The following ACOXL variants were observed in gnomAD, a reference collection of about 807,000 sequenced individuals.
The protein encoded by ACOXL is acyl-CoA oxidase like.
Under a neutral mutation model 71.9 loss-of-function variants are expected in ACOXL, and 70 were observed. The ratio of observed to expected loss-of-function variants is 0.97; its 90% CI spans 0.80 to 1.19. ACOXL has a LOEUF of 1.19. Among genes scored for constraint, ACOXL ranks in the 50% most tolerant of loss-of-function variants. The pLI, the probability that ACOXL is intolerant of heterozygous loss-of-function variation, is 0.00. For synonymous variants in ACOXL, 253 were observed against 281.6 expected, an observed-to-expected ratio of 0.90 and a Z score of 1.02; for missense variants, 703 against 736.3, an observed-to-expected ratio of 0.95 and a Z score of 0.52.
At chr2:110,745,105 G>T (rs10204844) in intron 1 of ACOXL, among the ~76,000 whole-genome samples, 2,934 of 152,300 alleles carry the variant, frequency 0.019, 108 homozygotes, top group African/African-American at 0.067. Context: ...ATAAGTAGTT[G>T]CTCCTGTTTC....
At chr2:111,104,643 GAA>G (rs2069410413) in intron 17 of ACOXL, among the ~76,000 whole-genome samples, 1 of 151,992 alleles carries the variant, frequency 6.6e-6, no homozygotes, top group African/African-American at 2.4e-5. Flanking sequence ...TCTCTTTGTT[GAA>G]AAGTTTGTTC....
At chr2:111,111,915 A>G (rs1432770802) in intron 17 of ACOXL, among the ~76,000 whole-genome samples, 1 of 152,222 alleles carries the variant, frequency 6.6e-6, no homozygotes, top group Non-Finnish European at 1.5e-5. Context: ...TTTCTCTACC[A>G]AAGTGGACAT....
At chr2:110,821,172 C>T (rs545033629) in intron 9 of ACOXL, among the ~76,000 whole-genome samples, 45 of 152,250 alleles carry the variant, frequency 3.0e-4, no homozygotes, top group Middle Eastern at 6.8e-3. Flanking sequence ...GAGGCCCTGC[C>T]CTTCCTCAGT....
chr2:110,943,037 A>AAAGAAGGAAGG (rs2060933686), intron 12 of ACOXL, among the ~76,000 whole-genome samples: 1 of 137,322 alleles, frequency 7.3e-6, no homozygotes, highest in South Asian at 2.5e-4. Context: ...AGAAGGAAGG[A>AAAGAAGGAAGG]AAGAAGGAAG....
intron 10 of ACOXL, among the ~76,000 whole-genome samples, chr2:110,854,782 C>G (rs916084931): frequency 6.6e-6 from 1 of 152,180 alleles, no homozygotes. Flanking sequence ...TTTCTATTTT[C>G]TCCCTTGAAA....
chr2:110,930,322 G>T (rs988883497), intron 11 of ACOXL, among the ~76,000 whole-genome samples: 2 of 152,194 alleles, frequency 1.3e-5, no homozygotes, highest in Admixed American at 1.3e-4. Context: ...GGGGCCTGTA[G>T]CCCCTTTGTT....
chr2:110,908,262 G>A (rs1574076729), intron 10 of ACOXL, among the ~76,000 whole-genome samples: 1 of 152,232 alleles, frequency 6.6e-6, no homozygotes, highest in East Asian at 1.9e-4. Flanking sequence ...AGGGCACAGG[G>A]ATTTAAGGTG....
chr2:111,115,398 A>G (rs966585939), intron 17 of ACOXL: 6 of 152,240 alleles, frequency 3.9e-5, no homozygotes, highest in African/African-American at 1.2e-4. Flanking sequence ...GAGATCATAT[A>G]TTTTTAAAAA....
chr2:110,833,639 C>T (rs988931790), intron 9 of ACOXL, among the ~76,000 whole-genome samples: 1 of 152,138 alleles, frequency 6.6e-6, no homozygotes, highest in Non-Finnish European at 1.5e-5. Flanking sequence ...GCATGCGAAT[C>T]TACAATTATC....
chr2:111,085,382 T>C (rs1282302806), intron 16 of ACOXL, among the ~76,000 whole-genome samples: 2 of 152,318 alleles, frequency 1.3e-5, no homozygotes, highest in East Asian at 3.9e-4. Context: ...AACCATGCTC[T>C]TGGACCACAG....
chr2:110,815,919 C>T (rs1437897027), intron 9 of ACOXL, among the ~76,000 whole-genome samples: 1 of 152,122 alleles, frequency 6.6e-6, no homozygotes, highest in African/African-American at 2.4e-5. Context: ...TTCTTGGTCA[C>T]CTCTGGATGA....
chr2:110,827,979 A>G (rs1245350692), intron 9 of ACOXL, among the ~76,000 whole-genome samples: 1 of 152,110 alleles, frequency 6.6e-6, no homozygotes, highest in Non-Finnish European at 1.5e-5. Context: ...TCCTATTATT[A>G]TTATTATTTG....
rs73956475 is a variant in ACOXL, at chr2:110,828,743, G to A, written c.754-12628G>A. ...CTCAAGATCACATGGTTATTCAGTG[G>A]TGGGCTGGGGGGTGGAATTAAGGAT... On this transcript the variant is annotated intron_variant, in intron 9 of 17. Coordinates refer to ENST00000439055, the MANE Select transcript of ACOXL (RefSeq NM_001142807.4). Among the ~76,000 whole-genome samples, 573 of 152,310 alleles carry A rather than the reference G, an allele frequency of 3.8e-3. 5 individuals are homozygous for A. Among genetic ancestry groups the A allele is most frequent in the African/African-American group, 0.013 (558 of 41,558 alleles).
At chr2:110,770,605 A>G (rs570050744) in intron 2 of ACOXL, among the ~76,000 whole-genome samples, 1 of 152,308 alleles carries the variant, frequency 6.6e-6, no homozygotes, top group East Asian at 1.9e-4. Context: ...TTTGGCAGAG[A>G]TTTTCAAGCT....
At chr2:111,008,948 A>G (rs1377384524) in intron 14 of ACOXL, among the ~76,000 whole-genome samples, 3 of 152,004 alleles carry the variant, frequency 2.0e-5, no homozygotes, top group African/African-American at 4.8e-5. Context: ...GGGTTTTGGT[A>G]TTTGGTCCAT....
rs142095474 is a variant in ACOXL at position 110,932,464 on chromosome 2, A to G, written c.906-1025A>G. Among the ~76,000 whole-genome samples the G allele has an allele frequency of 5.1e-3, 781 of 152,364 alleles. 1 individual carries two copies. Among genetic ancestry groups the G allele is most frequent in the Admixed American group, 5.7e-3 (87 of 15,310 alleles). ...TAAAGCAAAAATAGGCATGAGGTTT[A>G]TCACACATGCAGAAGATCTGTATCT... On this transcript the variant is annotated intron_variant, in intron 11 of 17. Transcript: ENST00000439055.
chr2:110,995,774 T>C lies in ACOXL; in HGVS notation c.1170-119T>C. 7 of 681,482 alleles carry C rather than the reference T, an allele frequency of 1.0e-5. No individual in the cohort carries two copies. In the South Asian group the frequency reaches 1.0e-4, roughly 10 times the overall value. The allele number at this position is 681,482 out of a possible 1,614,324, so 42.2% of individuals were successfully genotyped here. On this transcript the variant is annotated intron_variant, in intron 13 of 17. Transcript: ENST00000439055. ...AGATGGGATGGGGAGATTATGTCTA[T>C]TGACACTATTTTTCTACAGAAAAAA...
chr2:111,116,759 C>T (rs1383955237), intron 17 of ACOXL, among the ~76,000 whole-genome samples: 5 of 129,940 alleles, frequency 3.8e-5, no homozygotes, highest in African/African-American at 1.5e-4. Flanking sequence ...CGTCCCTCTG[C>T]CCTTGTGTAG....
At chr2:110,814,012 G>T (rs1303715996) in intron 9 of ACOXL, among the ~76,000 whole-genome samples, 1 of 152,200 alleles carries the variant, frequency 6.6e-6, no homozygotes, top group Non-Finnish European at 1.5e-5. Flanking sequence ...GAGTGGCTTT[G>T]TAGTCCTCAA....
Sources: gnomAD v4.1 joint callset for allele counts (sites outside exome capture counted in the v4.1 genomes callset) on GRCh38, gnomAD v4.1.1 for gene constraint, MANE v1.5 for transcripts, NCBI Gene and HGNC (gene_info 2026-07-23, HGNC 2026-07-21) for gene names.